PLD3: variants seen among roughly 807,000 people sequenced by gnomAD.
PLD3 encodes phospholipase D family member 3.
Under a neutral mutation model 58.4 loss-of-function variants are expected in PLD3, and 31 were observed. The ratio of observed to expected loss-of-function variants is 0.53; its 90% CI spans 0.40 to 0.72. PLD3 has a LOEUF of 0.72. Among genes scored for constraint, PLD3 ranks in the 30% least tolerant of loss-of-function variants. The pLI, the probability that PLD3 is intolerant of heterozygous loss-of-function variation, is 0.00. For missense variants in PLD3, 595 were observed against 659.8 expected (o/e 0.90, Z 1.08); for synonymous variants, 264 against 273.4 (o/e 0.97, Z 0.34).
intron 10 of PLD3, chr19:40,374,838 G>C: frequency 1.8e-6 from 1 of 571,152 alleles, no homozygotes; most frequent in Non-Finnish European, 3.1e-6. Context: ...TGAGGTTTCA[G>C]GACAAGGTTT....
intron 1 of PLD3, among the ~76,000 whole-genome samples, chr19:40,351,353 G>C (rs1180392452): frequency 6.6e-6 from 1 of 152,188 alleles, no homozygotes; most frequent in Non-Finnish European, 1.5e-5. Context: ...AGACCAGCCT[G>C]ACTAACATGG....
chr19:40,354,494 G>A (rs1229173936), intron 1 of PLD3, among the ~76,000 whole-genome samples: 2 of 152,046 alleles, frequency 1.3e-5, no homozygotes, highest in East Asian at 1.9e-4. Flanking sequence ...AATGACAGGT[G>A]TGAGTGAGCC....
At chr19:40,349,734 G>A (rs1430745046) in intron 1 of PLD3, among the ~76,000 whole-genome samples, 2 of 152,022 alleles carry the variant, frequency 1.3e-5, no homozygotes, top group Non-Finnish European at 2.9e-5. Flanking sequence ...CAAGGTGGGC[G>A]GATCACCTGA....
At chr19:40,357,741 A>G (rs184202477) in intron 1 of PLD3, 1 of 152,284 alleles carries the variant, frequency 6.6e-6, no homozygotes, top group African/African-American at 2.4e-5. Flanking sequence ...TAGAGGAATA[A>G]ATCAGACACG....
intron 1 of PLD3, among the ~76,000 whole-genome samples, chr19:40,362,063 C>G (rs1371975857): frequency 6.6e-6 from 1 of 152,082 alleles, no homozygotes; most frequent in African/African-American, 2.4e-5. Flanking sequence ...TCTCGAATGC[C>G]AGACCTCAGG....
At chr19:40,373,159 G>A (rs374826645) in intron 9 of PLD3, among the ~76,000 whole-genome samples, 7 of 152,206 alleles carry the variant, frequency 4.6e-5, no homozygotes, top group African/African-American at 9.6e-5. Flanking sequence ...ACCCTAAGGC[G>A]TGGACGTAGG....
At chr19:40,377,910 C>A (rs776669859) in intron 12 of PLD3, 25 bp downstream of exon 12, 14 of 1,611,948 alleles carry the variant, frequency 8.7e-6, no homozygotes, top group South Asian at 3.3e-5. Flanking sequence ...CACCACGGGG[C>A]GCTGAAGAAG....
At chr19:40,377,404 C>CAGGGTTGGGGGGCA (rs2079256140) in intron 11 of PLD3, among the ~76,000 whole-genome samples, 1 of 43,676 alleles carries the variant, frequency 2.3e-5, no homozygotes, top group Non-Finnish European at 4.9e-5. Flanking sequence ...TGGAGGAGGC[C>CAGGGTTGGGGGGCA]CAGGCAGAGG....
rs759699283 is a variant in PLD3, at chr19:40,371,790, C to A, written c.796C>A (p.Pro266Thr). The A allele has an allele frequency of 1.9e-6, 3 of 1,614,064 alleles. No individual in the cohort carries two copies. The highest frequency in any genetic ancestry group is 8.5e-7 in the Non-Finnish European group (1 of 1,179,972). Residue 266 changes from proline to threonine, a missense_variant, in exon 9 of 13, where the codon CCC becomes ACC. Pro to Thr is a conservative substitution (Grantham distance 38). Transcript: ENST00000409735. Reference protein sequence around the residue: ...QAGSSIPSTWPRFYDTRYNQE... With the variant: ...QAGSSIPSTWTRFYDTRYNQE... ...AGGCAGCTCCATCCCATCAACTTGGCCCCGGTTCTATGACACCCGCTACAA... is the reference window on the plus strand; with the variant it reads ...AGGCAGCTCCATCCCATCAACTTGGACCCGGTTCTATGACACCCGCTACAA...
chr19:40,376,336 CAA>C (rs1273884503), intron 10 of PLD3: 3 of 401,320 alleles, frequency 7.5e-6, no homozygotes, highest in South Asian at 4.3e-5. Context: ...GCGTGGGCAA[CAA>C]GAGCGAAATT....
chr19:40,367,914 G>T, intron 6 of PLD3, 35 bp downstream of exon 6: 1 of 1,508,546 alleles, frequency 6.6e-7, no homozygotes, highest in South Asian at 1.2e-5. Context: ...GGCAGCAGGG[G>T]CAGGGGGTGG....
intron 9 of PLD3, among the ~76,000 whole-genome samples, chr19:40,372,632 TA>T (rs1280145952): frequency 4.3e-5 from 3 of 70,032 alleles, no homozygotes; most frequent in Non-Finnish European, 5.8e-5. Flanking sequence ...CATTTCTTTC[TA>T]TTTTTTTTTT....
In PLD3 at chr19:40,378,095, G is replaced by C. The variant is rs1337615880; in HGVS notation, c.1395G>C (p.Leu465=). The C allele has an allele frequency of 1.2e-6, 2 of 1,613,884 alleles. No individual in the cohort carries two copies. The highest frequency in any genetic ancestry group is 1.7e-6 in the Non-Finnish European group (2 of 1,179,948). ...GGAGCCAGCTGGAGGCCATTTTCCT[G>C]AGGGACTGGGACTCCCCTTACAGCC... ...GLRSQLEAIF[L]RDWDSPYSHD... is the part of the protein sequence containing the mutation. The change falls in exon 13 of 13, where the codon CTG becomes CTC. Residue 465 remains leucine (L), a synonymous_variant. Coordinates refer to ENST00000409735, the MANE Select transcript of PLD3 (RefSeq NM_012268.4).
intron 9 of PLD3, among the ~76,000 whole-genome samples, chr19:40,373,529 A>ATTGCACCATT (rs1052983738): frequency 1.5e-4 from 22 of 144,952 alleles, no homozygotes; most frequent in African/African-American, 5.7e-4. Flanking sequence ...GGGAGCCGAG[A>ATTGCACCATT]TTGCACCATT....
chr19:40,371,116 A>C (rs1022094921), intron 8 of PLD3, among the ~76,000 whole-genome samples: 25 of 152,224 alleles, frequency 1.6e-4, no homozygotes, highest in Non-Finnish European at 3.2e-4. Flanking sequence ...GCAAGATGGA[A>C]CAGGAAACAG....
chr19:40,352,499 CTCTT>C (rs1260174588), intron 1 of PLD3, among the ~76,000 whole-genome samples: 1 of 152,022 alleles, frequency 6.6e-6, no homozygotes, highest in South Asian at 2.1e-4. Context: ...CATTTCCTCT[CTCTT>C]TTTTTTTAAC....
At chr19:40,363,551 C>T (rs536216890) in intron 1 of PLD3, among the ~76,000 whole-genome samples, 2 of 152,348 alleles carry the variant, frequency 1.3e-5, no homozygotes, top group East Asian at 3.9e-4. Flanking sequence ...CTGCCTCAGT[C>T]TCCCGAGTAG....
intron 1 of PLD3, 67 bp from the exon 2 acceptor site, chr19:40,365,651 G>C (rs2078898227): frequency 6.6e-6 from 1 of 152,246 alleles, no homozygotes. Flanking sequence ...TGCCCTACAC[G>C]GGGACTCTAG....
At chr19:40,366,212 A>C (rs553365694) in intron 2 of PLD3, 1 of 555,550 alleles carries the variant, frequency 1.8e-6, no homozygotes, top group East Asian at 3.2e-5. Context: ...TGGGCACTGC[A>C]GAGTGAAGAG....
Sources: gnomAD v4.1 joint callset for allele counts (sites outside exome capture counted in the v4.1 genomes callset) on GRCh38, gnomAD v4.1.1 for gene constraint, MANE v1.5 for transcripts, NCBI Gene and HGNC (gene_info 2026-07-23, HGNC 2026-07-21) for gene names.